The following ARID4B variants were observed in gnomAD, a reference collection of about 807,000 sequenced individuals.
ARID4B encodes AT-rich interactive domain-containing protein 4B.
Under a neutral mutation model 147.5 loss-of-function variants are expected in ARID4B, and 26 were observed. That is an observed-to-expected ratio of 0.18 (90% CI 0.13 to 0.24). ARID4B has a LOEUF of 0.24. ARID4B is among the 10% of genes least tolerant of loss of function. ARID4B has a pLI of 1.00. For synonymous variants in ARID4B, 512 were observed against 507.9 expected, an observed-to-expected ratio of 1.01 and a Z score of -0.11; for missense variants, 1,179 against 1,511.5, an observed-to-expected ratio of 0.78 and a Z score of 3.65.
At chr1:235,275,955 G>A (rs983219852) in intron 2 of ARID4B, among the ~76,000 whole-genome samples, 6 of 152,068 alleles carry the variant, frequency 3.9e-5, no homozygotes, top group African/African-American at 1.2e-4. Flanking sequence ...GGGACAACAC[G>A]GCAAAACCTC....
At position 235,167,252 on chromosome 1, in the gene ARID4B, A is replaced by T. The variant is rs1663034051; in HGVS notation, c.*1273T>A. ...CAAAGAAAACATGCCAGCCCCATCC[A>T]AAAAAAGTACACAGAACTACAATTA... On this transcript the variant is annotated 3_prime_UTR_variant, in exon 24 of 24. Coordinates refer to ENST00000264183, the MANE Select transcript of ARID4B (RefSeq NM_016374.6). The T allele has an allele frequency of 4.7e-6, 1 of 212,972 alleles. No homozygotes were observed. The highest frequency in any genetic ancestry group is 5.9e-5 in the Admixed American group (1 of 17,088). 13.2% of individuals were successfully genotyped at this position (212,972 alleles called of 1,614,324 possible). A position where few individuals can be genotyped will look rare whatever the true frequency, so the allele number is the denominator to read the frequency against.
chr1:235,298,525 T>TTA (rs1307872599), intron 2 of ARID4B, among the ~76,000 whole-genome samples: 1 of 148,488 alleles, frequency 6.7e-6, no homozygotes, highest in Non-Finnish European at 1.5e-5. Flanking sequence ...TAACGTATAT[T>TTA]TATATATATC....
intron 2 of ARID4B, among the ~76,000 whole-genome samples, chr1:235,312,762 C>T (rs981102896): frequency 2.4e-4 from 36 of 152,024 alleles, no homozygotes; most frequent in Non-Finnish European, 2.5e-4. Flanking sequence ...CACCTGAGCT[C>T]GGGAGTTTGA....
chr1:235,181,830 G>C lies in ARID4B; in HGVS notation c.3089C>G (p.Pro1030Arg), dbSNP rs1007417233. The change falls in exon 20 of 24, where the codon CCT (proline) becomes CGT (arginine). Residue 1030 changes from proline to arginine, a missense_variant. Pro to Arg is a moderately radical substitution (Grantham distance 103). Transcript: ENST00000264183. ...GCCTTCTGTTACAGTGACTGATGAA[G>C]GCGATTCAGGTGTAGTAGGAGGGGT... Reference protein sequence around the residue: ...LNTPPTTPESPSSVTVTEGSR... With the variant: ...LNTPPTTPESRSSVTVTEGSR... The C allele has an allele frequency of 6.8e-6, 11 of 1,614,032 alleles. No individual in the cohort carries two copies. The highest frequency in any genetic ancestry group is 9.3e-6 in the Non-Finnish European group (11 of 1,180,034).
intron 21 of ARID4B, among the ~76,000 whole-genome samples, chr1:235,176,062 T>TGTGA: frequency 6.6e-6 from 1 of 152,318 alleles, no homozygotes; most frequent in South Asian, 2.1e-4. Context: ...CAGCTTACCA[T>TGTGA]GTGAACAGGT....
intron 17 of ARID4B, among the ~76,000 whole-genome samples, chr1:235,201,330 CTTT>C (rs770314693): frequency 6.9e-6 from 1 of 145,482 alleles, no homozygotes; most frequent in African/African-American, 2.5e-5. Flanking sequence ...CGAGAATCTT[CTTT>C]TTTTTTTTTT....
intron 23 of ARID4B, among the ~76,000 whole-genome samples, chr1:235,169,683 T>G (rs1301168107): frequency 6.7e-6 from 1 of 150,228 alleles, no homozygotes; most frequent in African/African-American, 2.5e-5. Context: ...TCCTTTGAGA[T>G]GGGGGTCTTG....
chr1:235,245,812 T>C (rs1023879597), intron 7 of ARID4B, among the ~76,000 whole-genome samples: 11 of 152,162 alleles, frequency 7.2e-5, no homozygotes, highest in African/African-American at 2.7e-4. Context: ...CACTAAGAGA[T>C]AGGTAATATT....
At chr1:235,255,265 A>AGATCTATCTATCTATCTATC (rs1239708915) in intron 5 of ARID4B, among the ~76,000 whole-genome samples, 32 of 64,586 alleles carry the variant, frequency 5.0e-4, no homozygotes, top group African/African-American at 2.2e-3. Flanking sequence ...ATAGATAGAT[A>AGATCTATCTATCTATCTATC]TATATCTCTC....
At chr1:235,178,497 T>C (rs1664047482) in intron 20 of ARID4B, among the ~76,000 whole-genome samples, 4 of 152,144 alleles carry the variant, frequency 2.6e-5, no homozygotes, top group Admixed American at 2.6e-4. Flanking sequence ...AAACGTCTCA[T>C]CTTCTTGGTG....
At chr1:235,222,678 C>CTTTTT (rs35090143) in intron 13 of ARID4B, among the ~76,000 whole-genome samples, 4 of 130,764 alleles carry the variant, frequency 3.1e-5, no homozygotes, top group Admixed American at 7.8e-5. Context: ...GAAAAAAAAT[C>CTTTTT]TTTTTTTTTT....
At chr1:235,288,013 A>ATGTTGTTAGGAACC in intron 2 of ARID4B, among the ~76,000 whole-genome samples, 1 of 152,244 alleles carries the variant, frequency 6.6e-6, no homozygotes, top group Non-Finnish European at 1.5e-5. Context: ...AAAAATAATA[A>ATGTTGTTAGGAACC]AACATTAATG....
chr1:235,219,184 T>TA (rs1334242695), intron 16 of ARID4B, among the ~76,000 whole-genome samples: 1 of 151,958 alleles, frequency 6.6e-6, no homozygotes, highest in Non-Finnish European at 1.5e-5. Context: ...ATTTTTTTTT[T>TA]AATTCATTGT....
chr1:235,177,650 T>C (rs1663985542), intron 21 of ARID4B, 150 bp downstream of exon 21: 3 of 520,260 alleles, frequency 5.8e-6, no homozygotes, highest in Admixed American at 7.4e-5. Flanking sequence ...TTAAAGCAAG[T>C]AGCCTTACAG....
At chr1:235,255,999 C>T (rs1405625283) in intron 4 of ARID4B, among the ~76,000 whole-genome samples, 4 of 151,770 alleles carry the variant, frequency 2.6e-5, no homozygotes, top group Non-Finnish European at 4.4e-5. Flanking sequence ...CATGGTGAAA[C>T]CCCGTCTCTA....
intron 2 of ARID4B, among the ~76,000 whole-genome samples, chr1:235,324,106 C>T (rs769038779): frequency 2.0e-5 from 3 of 151,698 alleles, no homozygotes; most frequent in Non-Finnish European, 4.4e-5. Context: ...GGTTTTACTA[C>T]GCTGGCCAGG....
At chr1:235,299,583 C>G (rs570695360) in intron 2 of ARID4B, among the ~76,000 whole-genome samples, 1 of 152,348 alleles carries the variant, frequency 6.6e-6, no homozygotes, top group African/African-American at 2.4e-5. Flanking sequence ...ACACCAGCCT[C>G]TAATACATCA....
At chr1:235,236,905 C>T (rs1391930643) in intron 8 of ARID4B, among the ~76,000 whole-genome samples, 1 of 78,692 alleles carries the variant, frequency 1.3e-5, no homozygotes, top group Non-Finnish European at 2.4e-5. Flanking sequence ...AAAAGTCTTG[C>T]TCTGTCACCC....
At chr1:235,315,197 G>C (rs1438121670) in intron 2 of ARID4B, among the ~76,000 whole-genome samples, 2 of 152,198 alleles carry the variant, frequency 1.3e-5, no homozygotes, top group African/African-American at 4.8e-5. Flanking sequence ...GCCAAGGTGG[G>C]AGGATCACCT....
Sources: allele counts gnomAD v4.1 joint callset (sites outside exome capture counted in the v4.1 genomes callset), GRCh38; gene constraint gnomAD v4.1.1; transcripts MANE v1.5; gene names NCBI Gene and HGNC (gene_info 2026-07-23, HGNC 2026-07-21).